URB2: variants seen among roughly 807,000 people sequenced by gnomAD.
The protein encoded by URB2 is unhealthy ribosome biogenesis protein 2 homolog.
In URB2, 86 loss-of-function variants were observed where a neutral mutation model predicts 120.9. That is an observed-to-expected ratio of 0.71 (90% CI 0.60 to 0.85). URB2 has a LOEUF of 0.85. URB2 is among the 40% of genes least tolerant of loss of function. The pLI, the probability that URB2 is intolerant of heterozygous loss-of-function variation, is 0.00. For synonymous variants in URB2, 755 were observed against 758.4 expected (o/e 1.00, Z 0.07); for missense variants, 1,765 against 1,836.5 (o/e 0.96, Z 0.71).
rs760666692 is a variant in URB2, at chr1:229,645,988, T to C, written c.3906+19T>C. The C allele has an allele frequency of 6.2e-7, 1 of 1,606,612 alleles. No individual in the cohort carries two copies. Among genetic ancestry groups the C allele is most frequent in the East Asian group, 2.2e-5 (1 of 44,814 alleles). On this transcript the variant is annotated intron_variant, in intron 6 of 9. Coordinates refer to ENST00000258243, the MANE Select transcript of URB2 (RefSeq NM_014777.4). ...TTTAACAGTGAGTACCCTCTGGAGA[T>C]GTGTCCTCTAGCTCCTCCCCTCCCT... is the stretch of plus-strand genomic sequence containing the variant.
At chr1:229,638,377 G>C in intron 4 of URB2, 130 bp downstream of exon 4, 1 of 1,075,348 alleles carries the variant, frequency 9.3e-7, no homozygotes, top group African/African-American at 1.6e-5. Context: ...TGGGTGCGGT[G>C]GCTTACACCT....
Position 229,638,057 on chromosome 1 carries a change from C to T in URB2, c.3444C>T (p.Leu1148=). Residue 1148 remains leucine, a synonymous_variant, in exon 4 of 10, where the codon CTC becomes CTT. Transcript: ENST00000258243. ...CCCAAGGAAGCGACAGGACGCTGCT[C>T]TCCCATGTTGCCCTCTACCAGGGTG... The part of the protein sequence containing the change: ...DISQGSDRTL[L]SHVALYQGVY... 1 of 1,614,024 alleles carries T rather than the reference C, an allele frequency of 6.2e-7. No individual in the cohort carries two copies.
intron 4 of URB2, among the ~76,000 whole-genome samples, chr1:229,643,239 A>G (rs56163439): frequency 0.14 from 20,924 of 152,190 alleles, 2,182 homozygotes; most frequent in East Asian, 0.42. Flanking sequence ...TCAAGGGTCA[A>G]CCGCACAAAG....
Position 229,659,418 on chromosome 1 carries a change from A to G in URB2, c.*121A>G, listed in dbSNP as rs974479281. ...TTCGTAGTATTGGTATACATAGAAA[A>G]TCCTTTGGGGTTTATGTAGTATATT... On this transcript the variant is annotated 3_prime_UTR_variant, in exon 10 of 10. Coordinates refer to ENST00000258243, the MANE Select transcript of URB2 (RefSeq NM_014777.4). The G allele has an allele frequency of 1.9e-6, 2 of 1,075,892 alleles. No individual in the cohort carries two copies. Among genetic ancestry groups the G allele is most frequent in the South Asian group, 1.7e-5 (1 of 59,126 alleles). The allele number at this position is 1,075,892 out of a possible 1,614,324, so 66.6% of individuals were successfully genotyped here. A position where few individuals can be genotyped will look rare whatever the true frequency, so the allele number is the denominator to read the frequency against.
At chr1:229,644,372 G>A (rs1356677678) in intron 5 of URB2, among the ~76,000 whole-genome samples, 5 of 152,254 alleles carry the variant, frequency 3.3e-5, no homozygotes, top group African/African-American at 1.2e-4. Context: ...CTGGTATTGG[G>A]TACTGATTTG....
chr1:229,640,623 C>T (rs1665982687), intron 4 of URB2, among the ~76,000 whole-genome samples: 2 of 152,054 alleles, frequency 1.3e-5, no homozygotes, highest in South Asian at 2.1e-4. Context: ...GCGTGCCTTT[C>T]GGTACGTGAG....
intron 5 of URB2, among the ~76,000 whole-genome samples, chr1:229,645,285 C>CAA (rs372675806): frequency 5.2e-4 from 65 of 126,156 alleles, no homozygotes; most frequent in East Asian, 1.6e-3. Flanking sequence ...GACTCGGTCT[C>CAA]GAAAAAAAAA....
Position 229,635,672 on chromosome 1 carries a change from G to T in URB2, c.1059G>T (p.Trp353Cys), listed in dbSNP as rs1324183582. 1 of 1,614,134 alleles carries T rather than the reference G, an allele frequency of 6.2e-7. No individual in the cohort carries two copies. Among genetic ancestry groups the T allele is most frequent in the East Asian group, 2.2e-5 (1 of 44,884 alleles). The stretch of plus-strand genomic sequence containing the variant: ...GCAAAGCCCTGTCCACATCAGATTG[G>T]ACCACAGAGCTTTTGGTTGTGGAAC... ...EQSKALSTSD[W>C]TTELLVVEQL... The change falls in exon 4 of 10, where the codon TGG becomes TGT. Residue 353 changes from tryptophan (W) to cysteine (C), a missense_variant. By Grantham distance (215) the Trp-to-Cys change is radical (BLOSUM62 -2). Coordinates refer to ENST00000258243, the MANE Select transcript of URB2 (RefSeq NM_014777.4).
At chr1:229,646,034 C>A in intron 6 of URB2, 65 bp downstream of exon 6, 1 of 1,513,476 alleles carries the variant, frequency 6.6e-7, no homozygotes, top group Non-Finnish European at 9.2e-7. Context: ...AGACAGAAGT[C>A]AGCCTTTTGG....
Position 229,647,603 on chromosome 1 carries a change from G to A in URB2, c.4000G>A (p.Glu1334Lys). 2 of 1,614,194 alleles carry A rather than the reference G, an allele frequency of 1.2e-6. No individual in the cohort carries two copies. Among genetic ancestry groups the A allele is most frequent in the Non-Finnish European group, 1.7e-6 (2 of 1,180,044 alleles). Reference sequence around the variant, plus strand: ...CCTGGCTGCACTGCTGCGGCAGGGGGAGGAGGCCATCGGCAACCCCCACCA... The same window carrying A: ...CCTGGCTGCACTGCTGCGGCAGGGGAAGGAGGCCATCGGCAACCCCCACCA... ...DVLAALLRQGEEAIGNPHHVS... is the reference protein window; with the variant it reads ...DVLAALLRQGKEAIGNPHHVS... The change falls in exon 7 of 10, where the codon GAG (glutamate) becomes AAG (lysine). Residue 1334 changes from glutamate to lysine, a missense_variant. Physicochemically the swap from Glu to Lys is moderately conservative, Grantham distance 56. Coordinates refer to ENST00000258243, the MANE Select transcript of URB2 (RefSeq NM_014777.4).
intron 6 of URB2, among the ~76,000 whole-genome samples, chr1:229,647,131 G>A (rs1004553258): frequency 6.6e-6 from 1 of 152,188 alleles, no homozygotes; most frequent in Non-Finnish European, 1.5e-5. Context: ...CACCCAGAGG[G>A]TGTAGCAGGG....
Position 229,645,566 on chromosome 1 carries a change from G to T in URB2, c.3796-293G>T, listed in dbSNP as rs2102793566. Among the ~76,000 whole-genome samples the T allele has an allele frequency of 1.3e-5, 2 of 152,278 alleles. 1 individual carries two copies. Among genetic ancestry groups the T allele is most frequent in the Middle Eastern group, 6.8e-3 (2 of 294 alleles). ...TTAGGTCACAGTGTGTGACCCTTTT[G>T]CAATTCACTGTCCTGGCCGATTTAC... On this transcript the variant is annotated intron_variant, in intron 5 of 9. Transcript: ENST00000258243.
chr1:229,647,899 T>A, intron 7 of URB2, 147 bp downstream of exon 7: 14 of 1,370,218 alleles, frequency 1.0e-5, no homozygotes, highest in Non-Finnish European at 1.3e-5. Context: ...TCTAGTAAAT[T>A]TCAGAGCCAG....
chr1:229,654,567 A>C (rs1261596694), intron 9 of URB2, among the ~76,000 whole-genome samples, 179 bp downstream of exon 9: 3 of 152,138 alleles, frequency 2.0e-5, no homozygotes, highest in African/African-American at 7.2e-5. Flanking sequence ...ATGATAGCAC[A>C]CTACAGCCTC....
intron 9 of URB2, among the ~76,000 whole-genome samples, chr1:229,658,890 A>G (rs373718740): frequency 6.6e-6 from 1 of 152,142 alleles, no homozygotes; most frequent in Admixed American, 6.5e-5. Context: ...GTTAGCTTCT[A>G]TTTCCCCAAA....
At chr1:229,643,721 C>T (rs1416132880) in intron 5 of URB2, 28 bp downstream of exon 5, 1 of 1,601,132 alleles carries the variant, frequency 6.2e-7, no homozygotes, top group Non-Finnish European at 8.5e-7. Context: ...CCTTGTGTGG[C>T]AGGCTCAGAA....
At position 229,647,751 on chromosome 1, in the gene URB2, AG is replaced by A. The variant is rs1558170391; in HGVS notation, c.4149+1del. ...TTCTCAATCCTGCAGTGTCACCCTA[AG>A]GTGAGAAGGAGGGTGAGAGTGGCAG... ...VLFSILQCHP[K>X]VMLKAIPSFL... On this transcript the variant is annotated frameshift_variant and splice_region_variant, in exon 7 of 10. Coordinates refer to ENST00000258243, the MANE Select transcript of URB2 (RefSeq NM_014777.4). LOFTEE classifies it high-confidence loss of function. 6.2e-7 allele frequency: 1 copy of A among 1,611,860 alleles called. No homozygotes were observed. The highest frequency in any genetic ancestry group is 8.5e-7 in the Non-Finnish European group (1 of 1,178,366).
rs567102658 is a variant in URB2, at chr1:229,649,999, G to A, written c.4150-1236G>A. ...GGGTCCTTGGGGAACTGGGTGAAACGCTGGAATACTTTTGCAAAAACGACT... is the reference window on the plus strand; with the variant it reads ...GGGTCCTTGGGGAACTGGGTGAAACACTGGAATACTTTTGCAAAAACGACT... On this transcript the variant is annotated intron_variant, in intron 7 of 9. Coordinates refer to ENST00000258243, the MANE Select transcript of URB2 (RefSeq NM_014777.4). Among the ~76,000 whole-genome samples, 119 of 152,292 alleles carry A rather than the reference G, an allele frequency of 7.8e-4. 1 individual carries two copies. Among genetic ancestry groups the A allele is most frequent in the Non-Finnish European group, 1.3e-3 (89 of 68,032 alleles).
Position 229,635,205 on chromosome 1 carries a change from A to G in URB2, c.592A>G (p.Thr198Ala), listed in dbSNP as rs1465474562. The G allele has an allele frequency of 6.2e-7, 1 of 1,614,190 alleles. No homozygotes were observed. Residue 198 changes from threonine (T) to alanine (A), a missense_variant, in exon 4 of 10, where the codon ACT (threonine) becomes GCT (alanine). Coordinates refer to ENST00000258243, the MANE Select transcript of URB2 (RefSeq NM_014777.4). The stretch of plus-strand genomic sequence containing the variant: ...CCCAAGACGTGCCTTTGGGGATGTG[A>G]CTGCTCACCTGCTCCAGCCGTGCCT... ...VNPRRAFGDV[T>A]AHLLQPCLVL...
Sources: gnomAD v4.1 joint callset for allele counts (sites outside exome capture counted in the v4.1 genomes callset) on GRCh38, gnomAD v4.1.1 for gene constraint, MANE v1.5 for transcripts, NCBI Gene and HGNC (gene_info 2026-07-23, HGNC 2026-07-21) for gene names.